VPS13B: variants seen among roughly 807,000 people sequenced by gnomAD.
VPS13B encodes intermembrane lipid transfer protein VPS13B.
In VPS13B, 285 loss-of-function variants were observed where a neutral mutation model predicts 426.4. The observed-to-expected ratio is 0.67, with a 90% CI of 0.61 to 0.74. The LOEUF (loss-of-function observed/expected upper bound fraction) is 0.74. VPS13B is among the 30% of genes least tolerant of loss of function. VPS13B has a pLI of 0.00. For synonymous variants in VPS13B, 1,676 were observed against 1,676.4 expected (o/e 1.00, Z 0.01); for missense variants, 4,537 against 4,782.6 (o/e 0.95, Z 1.51).
intron 17 of VPS13B, among the ~76,000 whole-genome samples, chr8:99,251,866 TG>T (rs1302446996): frequency 5.9e-5 from 9 of 151,966 alleles, no homozygotes; most frequent in Non-Finnish European, 1.2e-4. Context: ...AAATTTTGTG[TG>T]TAGAGTTGCT....
intron 35 of VPS13B, among the ~76,000 whole-genome samples, chr8:99,664,306 G>A (rs991565543): frequency 1.4e-5 from 2 of 147,844 alleles, no homozygotes; most frequent in Non-Finnish European, 3.0e-5. Context: ...TGCCCAGCCA[G>A]AAATGTACTT....
intron 3 of VPS13B, among the ~76,000 whole-genome samples, chr8:99,072,866 G>C (rs976280628): frequency 6.6e-6 from 1 of 152,152 alleles, no homozygotes; most frequent in Non-Finnish European, 1.5e-5. Context: ...CCTTTCCCCA[G>C]TGTGTGTTCT....
At chr8:99,309,110 A>C (rs1820807532) in intron 19 of VPS13B, among the ~76,000 whole-genome samples, 1 of 151,742 alleles carries the variant, frequency 6.6e-6, no homozygotes, top group Admixed American at 6.6e-5. Context: ...GATTGCAAAA[A>C]TTTTCTCCCA....
intron 10 of VPS13B, among the ~76,000 whole-genome samples, chr8:99,135,363 A>T (rs960079320): frequency 1.3e-5 from 2 of 152,042 alleles, no homozygotes; most frequent in Non-Finnish European, 2.9e-5. Context: ...CTACTTTCTT[A>T]TTCATGAATC....
At chr8:99,469,108 T>C (rs1463913655) in intron 24 of VPS13B, among the ~76,000 whole-genome samples, 1 of 151,824 alleles carries the variant, frequency 6.6e-6, no homozygotes, top group African/African-American at 2.4e-5. Context: ...AACACTGTCA[T>C]AAAAACTTAA....
At chr8:99,827,667 G>A (rs905353080) in intron 51 of VPS13B, among the ~76,000 whole-genome samples, 3 of 151,558 alleles carry the variant, frequency 2.0e-5, no homozygotes, top group Non-Finnish European at 2.9e-5. Context: ...TCTGTTAACT[G>A]TGATGTTAGG....
intron 34 of VPS13B, among the ~76,000 whole-genome samples, chr8:99,647,700 A>G (rs1293612672): frequency 6.6e-6 from 1 of 152,156 alleles, no homozygotes; most frequent in African/African-American, 2.4e-5. Context: ...ATTAATTTGT[A>G]AGAATATCAC....
At chr8:99,505,572 A>G (rs1435410590) in intron 27 of VPS13B, among the ~76,000 whole-genome samples, 1 of 152,186 alleles carries the variant, frequency 6.6e-6, no homozygotes, top group Non-Finnish European at 1.5e-5. Flanking sequence ...TTGTGTCTTC[A>G]GGACATCACT....
chr8:99,686,219 C>A (rs1216574544), intron 35 of VPS13B, among the ~76,000 whole-genome samples: 1 of 152,178 alleles, frequency 6.6e-6, no homozygotes, highest in Non-Finnish European at 1.5e-5. Context: ...CAAATAGAGT[C>A]TCTCTGTACT....
intron 31 of VPS13B, among the ~76,000 whole-genome samples, chr8:99,573,690 T>A (rs181946216): frequency 1.5e-3 from 228 of 152,340 alleles, no homozygotes; most frequent in African/African-American, 5.1e-3. Context: ...CCATGCTGTT[T>A]TGGTTACTAT....
intron 19 of VPS13B, among the ~76,000 whole-genome samples, chr8:99,335,398 G>C (rs576759154): frequency 3.9e-5 from 6 of 152,068 alleles, no homozygotes; most frequent in Non-Finnish European, 8.8e-5. Flanking sequence ...CCTTCTGCTA[G>C]CTTTTGAATG....
At position 99,134,716 on chromosome 8, in the gene VPS13B, A is replaced by G. The variant is rs760810471; in HGVS notation, c.1291A>G (p.Thr431Ala). ...AGTATTGTGTTGGGAACAAGAAGGA[A>G]CTACAGTTGAGGTAATCTTTCAATA... ...KEVLCWEQEG[T>A]TVEALMMGEP... Residue 431 changes from threonine (T) to alanine (A), a missense_variant, in exon 9 of 62, where the codon ACT becomes GCT. By Grantham distance (58) the Thr-to-Ala change is moderately conservative (BLOSUM62 0). Coordinates refer to ENST00000357162, the MANE Select transcript of VPS13B (RefSeq NM_152564.5). 16 of 1,607,376 alleles carry G rather than the reference A, an allele frequency of 1.0e-5. No homozygotes were observed. The highest frequency in any genetic ancestry group is 1.7e-5 in the Admixed American group (1 of 59,888).
intron 39 of VPS13B, among the ~76,000 whole-genome samples, chr8:99,737,103 CTTCT>C (rs1833865258): frequency 1.2e-4 from 6 of 50,658 alleles, no homozygotes; most frequent in African/African-American, 5.2e-4. Context: ...TGAAGATGTC[CTTCT>C]TTTTTTTTTT....
chr8:99,282,787 T>C (rs1256267111), intron 19 of VPS13B, among the ~76,000 whole-genome samples: 2 of 152,212 alleles, frequency 1.3e-5, no homozygotes, highest in African/African-American at 2.4e-5. Flanking sequence ...GTAATGCCAA[T>C]GTAAACCAGT....
intron 35 of VPS13B, among the ~76,000 whole-genome samples, chr8:99,673,467 C>T (rs2442757): frequency 0.14 from 20,720 of 151,922 alleles, 1,968 homozygotes; most frequent in East Asian, 0.39. Flanking sequence ...GTCTCCTTTT[C>T]CATCTCTGAT....
At chr8:99,350,356 A>T (rs1465029605) in intron 19 of VPS13B, among the ~76,000 whole-genome samples, 2 of 152,228 alleles carry the variant, frequency 1.3e-5, no homozygotes, top group Non-Finnish European at 2.9e-5. Context: ...TGTTAACAGG[A>T]TCAGAATGTG....
chr8:99,813,845 A>G (rs79616611), intron 44 of VPS13B, among the ~76,000 whole-genome samples: 5,456 of 152,330 alleles, frequency 0.036, 140 homozygotes, highest in East Asian at 0.091. Context: ...TGATTAAATA[A>G]TAGTTCATCC....
chr8:99,627,630 T>C (rs537792624), intron 33 of VPS13B, among the ~76,000 whole-genome samples: 9 of 152,158 alleles, frequency 5.9e-5, no homozygotes, highest in South Asian at 4.1e-4. Context: ...GTGATCTGCC[T>C]GCCTCAGCCT....
At chr8:99,450,216 A>C (rs1019800170) in intron 23 of VPS13B, among the ~76,000 whole-genome samples, 1 of 152,216 alleles carries the variant, frequency 6.6e-6, no homozygotes, top group Non-Finnish European at 1.5e-5. Context: ...ACAGGAGAAA[A>C]AGGATGGTTC....
Sources: allele counts gnomAD v4.1 joint callset (sites outside exome capture counted in the v4.1 genomes callset), GRCh38; gene constraint gnomAD v4.1.1; transcripts MANE v1.5; gene names NCBI Gene and HGNC (gene_info 2026-07-23, HGNC 2026-07-21).